The following B4GALT5 variants were observed in gnomAD, a reference collection of about 807,000 sequenced individuals.
B4GALT5 encodes UDP-Gal:beta-GlcNAc beta-1,4-galactosyltransferase 5.
In B4GALT5, 11 loss-of-function variants were observed where a neutral mutation model predicts 45.0. The observed-to-expected ratio is 0.24, with a 90% CI of 0.15 to 0.40. The LOEUF (loss-of-function observed/expected upper bound fraction) is 0.40, where lower values mean the gene tolerates loss of function less well. B4GALT5 is among the 10% of genes least tolerant of loss of function. The probability of loss-of-function intolerance (pLI) is 1.00; values close to 1 mark genes in which losing one functional copy is unlikely to be tolerated. For synonymous variants in B4GALT5, 185 were observed against 182.9 expected, an observed-to-expected ratio of 1.01 and a Z score of -0.09; for missense variants, 337 against 500.2, an observed-to-expected ratio of 0.67 and a Z score of 3.11.
intron 7 of B4GALT5, among the ~76,000 whole-genome samples, chr20:49,638,168 GCCA>G (rs1464782509): frequency 2.0e-5 from 3 of 151,872 alleles, no homozygotes; most frequent in Non-Finnish European, 4.4e-5. Flanking sequence ...ACAGGCGTGT[GCCA>G]CCACAACAGG....
intron 1 of B4GALT5, among the ~76,000 whole-genome samples, chr20:49,697,890 G>A (rs1184386991): frequency 6.6e-6 from 1 of 152,036 alleles, no homozygotes; most frequent in African/African-American, 2.4e-5. Context: ...AAAAAATACT[G>A]TTTTCTTTTA....
intron 1 of B4GALT5, among the ~76,000 whole-genome samples, chr20:49,681,373 G>GT (rs2146349194): frequency 6.6e-6 from 1 of 151,962 alleles, no homozygotes; most frequent in African/African-American, 2.4e-5. Context: ...CACTCCCAAA[G>GT]TGACAAAACA....
intron 1 of B4GALT5, among the ~76,000 whole-genome samples, chr20:49,686,841 A>G (rs1480493220): frequency 2.0e-5 from 3 of 151,720 alleles, no homozygotes; most frequent in Admixed American, 2.0e-4. Context: ...CGAGGCTGCA[A>G]TGAGCTATAA....
intron 1 of B4GALT5, among the ~76,000 whole-genome samples, chr20:49,674,860 G>GA (rs1412457317): frequency 6.6e-6 from 1 of 152,092 alleles, no homozygotes; most frequent in Non-Finnish European, 1.5e-5. Context: ...GTATGACTCA[G>GA]AAAAGTCCAT....
intron 2 of B4GALT5, among the ~76,000 whole-genome samples, chr20:49,654,872 C>T (rs1393706385): frequency 1.3e-5 from 2 of 151,824 alleles, no homozygotes; most frequent in Non-Finnish European, 2.9e-5. Flanking sequence ...TTCGGGAGGC[C>T]AAGGCAGGTG....
At chr20:49,655,860 T>C (rs2085640454) in intron 2 of B4GALT5, among the ~76,000 whole-genome samples, 1 of 142,604 alleles carries the variant, frequency 7.0e-6, no homozygotes, top group African/African-American at 2.6e-5. Context: ...ACTGGGGAAG[T>C]GGAGGTTGCA....
intron 1 of B4GALT5, among the ~76,000 whole-genome samples, chr20:49,713,362 G>C (rs2085928012): frequency 6.6e-6 from 1 of 151,922 alleles, no homozygotes; most frequent in Non-Finnish European, 1.5e-5. Context: ...GGGTGGGCCG[G>C]AGGCTGGCGC....
At position 49,642,576 on chromosome 20, in the gene B4GALT5, G is replaced by A; in HGVS notation, c.498C>T (p.Ile166=). The change falls in exon 5 of 9, where the codon ATC becomes ATT. Residue 166 remains isoleucine, a synonymous_variant. Coordinates refer to ENST00000371711, the MANE Select transcript of B4GALT5 (RefSeq NM_004776.4). Reference sequence around the variant, plus strand: ...CGTGGCGGTTCCGGAAGGGGATAAGGATCGCCACCTGGAGTGGATTACAGC... The same window carrying A: ...CGTGGCGGTTCCGGAAGGGGATAAGAATCGCCACCTGGAGTGGATTACAGC... The part of the protein sequence containing the change: ...SDCMPRWKVA[I]LIPFRNRHEH... The A allele has an allele frequency of 6.2e-7, 1 of 1,612,424 alleles. No homozygotes were observed. Among genetic ancestry groups the A allele is most frequent in the South Asian group, 1.1e-5 (1 of 90,962 alleles).
At chr20:49,676,890 G>C (rs1419518813) in intron 1 of B4GALT5, among the ~76,000 whole-genome samples, 3 of 152,350 alleles carry the variant, frequency 2.0e-5, no homozygotes, top group African/African-American at 4.8e-5. Flanking sequence ...GAGTCATCAA[G>C]GGCAGTCATG....
intron 1 of B4GALT5, among the ~76,000 whole-genome samples, chr20:49,658,511 T>C (rs964879100): frequency 6.6e-6 from 1 of 152,206 alleles, no homozygotes; most frequent in Non-Finnish European, 1.5e-5. Context: ...AAGCTTTTAT[T>C]GTATTTATTG....
intron 1 of B4GALT5, among the ~76,000 whole-genome samples, chr20:49,699,224 CT>C (rs1353269384): frequency 6.6e-6 from 1 of 152,048 alleles, no homozygotes; most frequent in East Asian, 1.9e-4. Flanking sequence ...ACTTTTTCAT[CT>C]ACATTTCAGG....
At chr20:49,676,950 T>G (rs1204361665) in intron 1 of B4GALT5, among the ~76,000 whole-genome samples, 1 of 152,244 alleles carries the variant, frequency 6.6e-6, no homozygotes, top group African/African-American at 2.4e-5. Context: ...CATTCCAAAA[T>G]TATGGGATTG....
chr20:49,668,471 A>G (rs954005521), intron 1 of B4GALT5, among the ~76,000 whole-genome samples: 2 of 152,022 alleles, frequency 1.3e-5, no homozygotes, highest in African/African-American at 4.8e-5. Flanking sequence ...AGAAGTACCA[A>G]TATCCACATG....
intron 1 of B4GALT5, among the ~76,000 whole-genome samples, chr20:49,712,007 TC>T (rs1230206665): frequency 2.6e-5 from 4 of 152,180 alleles, no homozygotes; most frequent in Admixed American, 2.6e-4. Flanking sequence ...CCAAAATTTT[TC>T]TAGCAGAATT....
chr20:49,709,692 C>T (rs2085899623), intron 1 of B4GALT5, among the ~76,000 whole-genome samples: 1 of 151,500 alleles, frequency 6.6e-6, no homozygotes. Flanking sequence ...TCCTTTGAAC[C>T]TGGGGGGCAG....
At chr20:49,640,434 C>G in intron 6 of B4GALT5, 44 bp downstream of exon 6, 1 of 1,488,122 alleles carries the variant, frequency 6.7e-7, no homozygotes, top group Middle Eastern at 1.8e-4. Context: ...CGCTCACCAT[C>G]CTTTCAGATT....
intron 1 of B4GALT5, among the ~76,000 whole-genome samples, chr20:49,692,806 G>T (rs1231438295): frequency 6.6e-6 from 1 of 152,076 alleles, no homozygotes; most frequent in Non-Finnish European, 1.5e-5. Flanking sequence ...TTATGTTTTT[G>T]AAAAATTACA....
chr20:49,704,706 AAG>A (rs1403232071), intron 1 of B4GALT5, among the ~76,000 whole-genome samples: 2 of 151,112 alleles, frequency 1.3e-5, no homozygotes, highest in Non-Finnish European at 2.9e-5. Context: ...GCGACAGAGC[AAG>A]ACTCTGTCTC....
intron 1 of B4GALT5, among the ~76,000 whole-genome samples, chr20:49,702,165 G>A (rs1284592924): frequency 2.6e-5 from 4 of 152,052 alleles, no homozygotes; most frequent in East Asian, 1.9e-4. Flanking sequence ...AATAAATCCC[G>A]TGTCGCCTGC....
Sources: gnomAD v4.1 joint callset for allele counts (sites outside exome capture counted in the v4.1 genomes callset) on GRCh38, gnomAD v4.1.1 for gene constraint, MANE v1.5 for transcripts, NCBI Gene and HGNC (gene_info 2026-07-23, HGNC 2026-07-21) for gene names.